NADK2: variants seen among roughly 807,000 people sequenced by gnomAD.
NADK2 encodes NAD kinase 2, mitochondrial.
In NADK2, 35 loss-of-function variants were observed where a neutral mutation model predicts 62.1. That is an observed-to-expected ratio of 0.56 (90% CI 0.43 to 0.75). The LOEUF is 0.75. Ranked by LOEUF, NADK2 falls within the 30% of genes least tolerant of loss-of-function variation. NADK2 has a pLI of 0.00. For synonymous variants in NADK2, 205 were observed against 207.9 expected (o/e 0.99, Z 0.12); for missense variants, 439 against 561.3 (o/e 0.78, Z 2.20).
intron 1 of NADK2, among the ~76,000 whole-genome samples, chr5:36,233,271 ACAC>A (rs889941423): frequency 2.6e-5 from 4 of 152,128 alleles, no homozygotes; most frequent in Admixed American, 2.6e-4. Context: ...ACTAACCTTA[ACAC>A]CACCACATTT....
chr5:36,229,119 A>G (rs1468438338), intron 1 of NADK2, among the ~76,000 whole-genome samples: 3 of 152,222 alleles, frequency 2.0e-5, no homozygotes, highest in East Asian at 1.9e-4. Flanking sequence ...ATTAGTGTTA[A>G]TATTTTGATA....
intron 7 of NADK2, among the ~76,000 whole-genome samples, chr5:36,210,636 A>G (rs1300684670): frequency 6.6e-6 from 1 of 152,242 alleles, no homozygotes; most frequent in Non-Finnish European, 1.5e-5. Flanking sequence ...CATGAATGAC[A>G]AAACAGGATG....
intron 6 of NADK2, among the ~76,000 whole-genome samples, chr5:36,216,812 G>A (rs1195632035): frequency 6.6e-6 from 1 of 151,842 alleles, no homozygotes; most frequent in Non-Finnish European, 1.5e-5. Context: ...TTTCAGTGAG[G>A]GATTAAAATT....
chr5:36,241,261 A>T lies in NADK2; in HGVS notation c.300+238T>A. The T allele has an allele frequency of 1.4e-6, 1 of 728,972 alleles. No individual in the cohort carries two copies. The highest frequency in any genetic ancestry group is 4.2e-5 in the East Asian group (1 of 23,912). The allele number at this position is 728,972 out of a possible 1,614,324, so 45.2% of individuals were successfully genotyped here. The stretch of plus-strand genomic sequence containing the variant: ...GCGCCCCTGCCTCCTAAGTCCCTGC[A>T]TGAACCACTGTCCCTCTCTCTCCCC... On this transcript the variant is annotated intron_variant, in intron 1 of 11. Coordinates refer to ENST00000381937, the MANE Select transcript of NADK2 (RefSeq NM_001085411.3). The surrounding 1 kb of genome is among the most constrained non-coding windows in gnomAD (Gnocchi z 4.9).
At position 36,217,662 on chromosome 5, in the gene NADK2, G is replaced by GTTAATCA. The variant is rs111441491; in HGVS notation, c.781+85_781+86insTGATTAA. On this transcript the variant is annotated intron_variant, in intron 6 of 11. Coordinates refer to ENST00000381937, the MANE Select transcript of NADK2 (RefSeq NM_001085411.3). ...GTGCTATTAATGACACTAAAAACAA[G>GTTAATCA]TAAATTATTACATCAAAAAATTTGA... 0.96 allele frequency: 1,444,768 copies of GTTAATCA among 1,503,870 alleles called. 697,702 individuals are homozygous for GTTAATCA. The highest frequency in any genetic ancestry group is 0.99 in the Non-Finnish European group (1,075,020 of 1,089,596). The allele number at this position is 1,503,870 out of a possible 1,614,324, so 93.2% of individuals were successfully genotyped here.
intron 1 of NADK2, among the ~76,000 whole-genome samples, chr5:36,233,276 A>G (rs1008375353): frequency 2.6e-5 from 4 of 152,096 alleles, no homozygotes; most frequent in African/African-American, 7.2e-5. Flanking sequence ...CCTTAACACC[A>G]CCACATTTTG....
chr5:36,202,733 C>T (rs548337448), intron 8 of NADK2, among the ~76,000 whole-genome samples: 1 of 152,238 alleles, frequency 6.6e-6, no homozygotes, highest in African/African-American at 2.4e-5. Context: ...GCTCTTCCAC[C>T]TTCTGTAGCA....
At position 36,194,683 on chromosome 5, in the gene NADK2, TTC is replaced by T. The variant is rs147119227; in HGVS notation, c.*459_*460del. On this transcript the variant is annotated 3_prime_UTR_variant, in exon 12 of 12. Transcript: ENST00000381937. ...AGGTCAATGTCAGGATTTATCAAAA[TTC>T]TCTGTCTTGAAAATTTTTTCAAAAT... 1.3e-5 allele frequency: 2 copies of T among 152,382 alleles called. No individual in the cohort carries two copies. The highest frequency in any genetic ancestry group is 1.9e-4 in the East Asian group (1 of 5,182). The allele number at this position is 152,382 out of a possible 1,614,324, so 9.4% of individuals were successfully genotyped here.
At position 36,209,474 on chromosome 5, in the gene NADK2, A is replaced by G. The variant is rs115015644; in HGVS notation, c.861-2209T>C. On this transcript the variant is annotated intron_variant, in intron 7 of 11. Transcript: ENST00000381937. ...ATTAAATGGCTTCCCTGAAGTAAGCATAAACTCACAAAACATTTTTATCAT... is the reference window on the plus strand; with the variant it reads ...ATTAAATGGCTTCCCTGAAGTAAGCGTAAACTCACAAAACATTTTTATCAT... Among the ~76,000 whole-genome samples, 983 of 152,298 alleles carry G rather than the reference A, an allele frequency of 6.5e-3. 10 individuals are homozygous for G. Among genetic ancestry groups the G allele is most frequent in the African/African-American group, 0.022 (911 of 41,582 alleles).
intron 6 of NADK2, among the ~76,000 whole-genome samples, chr5:36,213,935 T>C (rs1257369566): frequency 6.6e-6 from 1 of 152,070 alleles, no homozygotes; most frequent in Non-Finnish European, 1.5e-5. Context: ...TTTCCACCTC[T>C]ATTCCCATTT....
Position 36,217,824 on chromosome 5 carries a change from A to T in NADK2, c.705T>A (p.Pro235=), listed in dbSNP as rs774736569. 3.1e-6 allele frequency: 5 copies of T among 1,614,024 alleles called. No homozygotes were observed. The East Asian group carries it at 1.1e-4, about 36-fold the overall frequency. ...YLEGTGINPV[P]VDLHEQQLSL... is the part of the protein sequence containing the mutation. ...TTAGCTGCTGCTCGTGAAGGTCCACAGGTACAGGGTTTATGCCAGTCCCTT... is the reference window on the plus strand; with the variant it reads ...TTAGCTGCTGCTCGTGAAGGTCCACTGGTACAGGGTTTATGCCAGTCCCTT... The change falls in exon 6 of 12, where the codon CCT becomes CCA. Residue 235 remains proline, a synonymous_variant. Coordinates refer to ENST00000381937, the MANE Select transcript of NADK2 (RefSeq NM_001085411.3).
chr5:36,209,632 A>C (rs560028915), intron 7 of NADK2, among the ~76,000 whole-genome samples: 1 of 152,252 alleles, frequency 6.6e-6, no homozygotes, highest in Admixed American at 6.5e-5. Flanking sequence ...ACTACCACAT[A>C]GTATCTATAA....
intron 7 of NADK2, among the ~76,000 whole-genome samples, chr5:36,209,055 G>C (rs1478579672): frequency 2.6e-5 from 4 of 152,074 alleles, no homozygotes; most frequent in African/African-American, 4.8e-5. Flanking sequence ...TCCAATAAAT[G>C]TCCATTTCCT....
intron 2 of NADK2, 66 bp downstream of exon 2, chr5:36,227,411 G>C: frequency 1.4e-6 from 1 of 715,566 alleles, no homozygotes; most frequent in Non-Finnish European, 2.0e-6. Flanking sequence ...TGGGCTGCTA[G>C]TACAAAATAA....
chr5:36,201,942 T>C (rs1342590401), intron 8 of NADK2, among the ~76,000 whole-genome samples: 1 of 152,062 alleles, frequency 6.6e-6, no homozygotes, highest in Non-Finnish European at 1.5e-5. Context: ...AGGTTGTTTT[T>C]TTAAAAAAAT....
Position 36,195,300 on chromosome 5 carries a change from T to G in NADK2, c.1191-18A>C, listed in dbSNP as rs770397891. 45 of 1,589,982 alleles carry G rather than the reference T, an allele frequency of 2.8e-5. No individual in the cohort carries two copies. Among genetic ancestry groups the G allele is most frequent in the Non-Finnish European group, 3.8e-5 (45 of 1,170,542 alleles). ...CACAAACCCTAGGCAGAAGGAAATA[T>G]CTCATTAAATAGTAATAGTTTTCTT... On this transcript the variant is annotated intron_variant, in intron 11 of 11. Coordinates refer to ENST00000381937, the MANE Select transcript of NADK2 (RefSeq NM_001085411.3).
intron 7 of NADK2, chr5:36,208,579 T>C: frequency 7.6e-7 from 1 of 1,318,546 alleles, no homozygotes; most frequent in Non-Finnish European, 1.0e-6. Context: ...TTCATAGAAT[T>C]TTTGTTTCAG....
chr5:36,241,478 C>T lies in NADK2; in HGVS notation c.300+21G>A, dbSNP rs772374656. ...GCCCCGGCCGAGCCCGGGAGCGAAG[C>T]GGGGCCGAGCCAGGACCCACCAGCT... On this transcript the variant is annotated intron_variant, in intron 1 of 11. Coordinates refer to ENST00000381937, the MANE Select transcript of NADK2 (RefSeq NM_001085411.3). This position sits in a 1 kb window ranked among gnomAD's most constrained non-coding sequence, Gnocchi z 4.9. The T allele has an allele frequency of 9.2e-6, 14 of 1,513,996 alleles. No homozygotes were observed. In the African/African-American group the frequency reaches 1.4e-4, roughly 16 times the overall value. The allele number at this position is 1,513,996 out of a possible 1,614,324, so 93.8% of individuals were successfully genotyped here. A position where few individuals can be genotyped will look rare whatever the true frequency, so the allele number is the denominator to read the frequency against.
chr5:36,211,807 T>A, intron 7 of NADK2, 37 bp downstream of exon 7: 2 of 1,549,028 alleles, frequency 1.3e-6, no homozygotes, highest in East Asian at 2.2e-5. Flanking sequence ...CACTAAAACA[T>A]TAAATTCCAT....
Sources: allele counts gnomAD v4.1 joint callset (sites outside exome capture counted in the v4.1 genomes callset), GRCh38; gene constraint gnomAD v4.1.1; non-coding constraint Gnocchi (gnomAD v3.1); transcripts MANE v1.5; gene names NCBI Gene and HGNC (gene_info 2026-07-23, HGNC 2026-07-21).